CTNND2: variants seen among roughly 807,000 people sequenced by gnomAD.
CTNND2 encodes catenin delta 2.
CTNND2 carries 22 observed loss-of-function variants against 144.4 expected under a neutral mutation model. The observed-to-expected ratio is 0.15, with a 90% CI of 0.11 to 0.22. The LOEUF is 0.22. Ranked by LOEUF, CTNND2 falls within the 10% of genes least tolerant of loss-of-function variation. The pLI is 1.00. For synonymous variants in CTNND2, 751 were observed against 695.6 expected (o/e 1.08, Z -1.25); for missense variants, 1,353 against 1,618.8 (o/e 0.84, Z 2.82).
chr5:11,091,398 T>C (rs2907113), intron 15 of CTNND2, among the ~76,000 whole-genome samples: 3 of 152,106 alleles, frequency 2.0e-5, no homozygotes, highest in African/African-American at 7.2e-5. Flanking sequence ...CATGGAATAC[T>C]GTTATAATAA....
At chr5:11,571,184 T>C (rs1382066076) in intron 2 of CTNND2, among the ~76,000 whole-genome samples, 1 of 152,204 alleles carries the variant, frequency 6.6e-6, no homozygotes, top group African/African-American at 2.4e-5. Flanking sequence ...TCCTATTTTA[T>C]GATTTTTCTG....
At chr5:11,665,761 G>C (rs945293145) in intron 2 of CTNND2, among the ~76,000 whole-genome samples, 6 of 152,164 alleles carry the variant, frequency 3.9e-5, no homozygotes, top group Non-Finnish European at 7.3e-5. Context: ...TCACAGGAAA[G>C]AGAGGCAGTG....
intron 9 of CTNND2, among the ~76,000 whole-genome samples, chr5:11,265,299 A>C (rs1394480021): frequency 1.3e-5 from 2 of 152,192 alleles, no homozygotes; most frequent in African/African-American, 4.8e-5. Context: ...AGGAAACAAA[A>C]ATCTTAGGGA....
intron 12 of CTNND2, among the ~76,000 whole-genome samples, chr5:11,128,862 AT>A (rs1362479236): frequency 4.3e-5 from 3 of 69,728 alleles, no homozygotes; most frequent in African/African-American, 1.6e-4. Context: ...TATAATATAT[AT>A]AATATATAAA....
intron 2 of CTNND2, among the ~76,000 whole-genome samples, chr5:11,585,995 G>A (rs1356990595): frequency 2.0e-5 from 3 of 152,158 alleles, no homozygotes; most frequent in African/African-American, 7.2e-5. Context: ...AGGCGTGGGA[G>A]GGATGGGTGG....
chr5:11,066,561 C>T (rs1747630727), intron 16 of CTNND2, among the ~76,000 whole-genome samples: 1 of 151,170 alleles, frequency 6.6e-6, no homozygotes, highest in Admixed American at 6.6e-5. Context: ...TCTCATGCCT[C>T]TCTAAACTGT....
intron 16 of CTNND2, among the ~76,000 whole-genome samples, chr5:11,052,265 T>C (rs1745917366): frequency 1.3e-5 from 2 of 152,222 alleles, no homozygotes; most frequent in Non-Finnish European, 1.5e-5. Flanking sequence ...GATGTGTATA[T>C]ACTTTCAGTT....
chr5:11,496,993 C>T (rs956568602), intron 3 of CTNND2, among the ~76,000 whole-genome samples: 28 of 152,086 alleles, frequency 1.8e-4, no homozygotes, highest in African/African-American at 6.3e-4. Flanking sequence ...ATTGTGCATC[C>T]ATTATCTCCT....
Position 11,197,950 on chromosome 5 carries a change from C to T in CTNND2, c.1975+1498G>A, listed in dbSNP as rs116373166. ...TTTTCAAATCATAAATGAATCCATACGGTGTACACAGAAGGTGCTCTGCTG... is the reference window on the plus strand; with the variant it reads ...TTTTCAAATCATAAATGAATCCATATGGTGTACACAGAAGGTGCTCTGCTG... On this transcript the variant is annotated intron_variant, in intron 11 of 21. Transcript: ENST00000304623. 7.7e-3 allele frequency among the ~76,000 whole-genome samples: 1,171 copies of T among 152,284 alleles called. 5 individuals carry two copies. The highest frequency in any genetic ancestry group is 0.013 in the Non-Finnish European group (864 of 68,020).
At chr5:11,863,440 G>C (rs1434443616) in intron 1 of CTNND2, among the ~76,000 whole-genome samples, 1 of 152,116 alleles carries the variant, frequency 6.6e-6, no homozygotes, top group Admixed American at 6.5e-5. Context: ...ATTTTTGATT[G>C]GTGTAAGCAT....
At chr5:11,795,917 A>C (rs1251313241) in intron 1 of CTNND2, among the ~76,000 whole-genome samples, 2 of 152,210 alleles carry the variant, frequency 1.3e-5, no homozygotes, top group Non-Finnish European at 2.9e-5. Flanking sequence ...ATATCAAGCC[A>C]TTAGCAGGTC....
intron 18 of CTNND2, among the ~76,000 whole-genome samples, chr5:11,007,666 G>A (rs1470190210): frequency 6.6e-6 from 1 of 152,232 alleles, no homozygotes; most frequent in Non-Finnish European, 1.5e-5. Context: ...TCATGGACTT[G>A]GGGCCGTTTT....
intron 6 of CTNND2, among the ~76,000 whole-genome samples, chr5:11,389,045 AAAT>A (rs1368094807): frequency 6.6e-6 from 1 of 152,264 alleles, no homozygotes; most frequent in Non-Finnish European, 1.5e-5. Context: ...CTGAAAATAA[AAAT>A]AATGATATAA....
chr5:11,246,238 T>TG (rs1451873126), intron 9 of CTNND2, among the ~76,000 whole-genome samples: 2 of 152,106 alleles, frequency 1.3e-5, no homozygotes, highest in African/African-American at 4.8e-5. Context: ...ACATGTGTAG[T>TG]GGGTTGAAGA....
At chr5:11,576,436 GTTAC>G (rs966980319) in intron 2 of CTNND2, among the ~76,000 whole-genome samples, 2 of 148,114 alleles carry the variant, frequency 1.4e-5, no homozygotes, top group African/African-American at 5.0e-5. Flanking sequence ...ATTTTAAAAG[GTTAC>G]TTATTACAGT....
chr5:11,451,001 T>C (rs1267477046), intron 3 of CTNND2, among the ~76,000 whole-genome samples: 1 of 151,760 alleles, frequency 6.6e-6, no homozygotes, highest in Non-Finnish European at 1.5e-5. Flanking sequence ...ATTTATCAAT[T>C]ATAGAGTGAA....
chr5:11,732,021 C>A, intron 2 of CTNND2, 115 bp downstream of exon 2: 1 of 902,290 alleles, frequency 1.1e-6, no homozygotes, highest in East Asian at 2.6e-5. Context: ...AATACCAACA[C>A]TCTGCTACAT....
intron 12 of CTNND2, among the ~76,000 whole-genome samples, chr5:11,157,638 A>C (rs919796306): frequency 7.2e-5 from 11 of 152,220 alleles, no homozygotes; most frequent in Admixed American, 7.2e-4. Context: ...CTTTAATGTG[A>C]ATAGTGATCT....
chr5:11,355,259 A>G (rs906708963), intron 8 of CTNND2, among the ~76,000 whole-genome samples: 1 of 152,112 alleles, frequency 6.6e-6, no homozygotes, highest in African/African-American at 2.4e-5. Flanking sequence ...TATTTTTTCA[A>G]AATTCTCAAC....
Sources: gnomAD v4.1 joint callset for allele counts (sites outside exome capture counted in the v4.1 genomes callset) on GRCh38, gnomAD v4.1.1 for gene constraint, MANE v1.5 for transcripts, NCBI Gene and HGNC (gene_info 2026-07-23, HGNC 2026-07-21) for gene names.